The following SRPK2 variants were observed in gnomAD, a reference collection of about 807,000 sequenced individuals.
SRPK2 encodes SFRS protein kinase 2.
SRPK2 carries 21 observed loss-of-function variants against 90.8 expected under a neutral mutation model. The ratio of observed to expected loss-of-function variants is 0.23; its 90% CI spans 0.16 to 0.33. The LOEUF (loss-of-function observed/expected upper bound fraction) is 0.33, where lower values mean the gene tolerates loss of function less well. Ranked by LOEUF, SRPK2 falls within the 10% of genes least tolerant of loss-of-function variation. The probability of loss-of-function intolerance (pLI) is 1.00; values close to 1 mark genes in which losing one functional copy is unlikely to be tolerated. For missense variants in SRPK2, 620 were observed against 869.0 expected (o/e 0.71, Z 3.60); for synonymous variants, 288 against 311.1 (o/e 0.93, Z 0.78).
intron 7 of SRPK2, among the ~76,000 whole-genome samples, chr7:105,158,020 T>C (rs1335257874): frequency 6.6e-6 from 1 of 152,158 alleles, no homozygotes; most frequent in Non-Finnish European, 1.5e-5. Context: ...GAGCTGTGAC[T>C]GACCAGTGCA....
At chr7:105,203,087 CAA>C (rs1795761399) in intron 3 of SRPK2, among the ~76,000 whole-genome samples, 1 of 152,168 alleles carries the variant, frequency 6.6e-6, no homozygotes, top group South Asian at 2.1e-4. Flanking sequence ...CTCCTGGGCT[CAA>C]GTGTTCCTCC....
intron 2 of SRPK2, among the ~76,000 whole-genome samples, chr7:105,370,935 T>C (rs1206154031): frequency 6.6e-6 from 1 of 152,030 alleles, no homozygotes; most frequent in African/African-American, 2.4e-5. Flanking sequence ...ATTTTAAACT[T>C]ACTAGCAAAG....
At chr7:105,124,992 C>T (rs1393773780) in intron 15 of SRPK2, among the ~76,000 whole-genome samples, 1 of 151,818 alleles carries the variant, frequency 6.6e-6, no homozygotes, top group East Asian at 1.9e-4. Context: ...ATTAGCTGGG[C>T]GTGGTGGTGT....
At chr7:105,150,771 C>T (rs1468459429) in intron 7 of SRPK2, among the ~76,000 whole-genome samples, 1 of 152,140 alleles carries the variant, frequency 6.6e-6, no homozygotes, top group African/African-American at 2.4e-5. Flanking sequence ...TGATGTCCAG[C>T]CCATAGAGGT....
intron 11 of SRPK2, among the ~76,000 whole-genome samples, chr7:105,134,541 A>T: frequency 6.6e-6 from 1 of 152,232 alleles, no homozygotes; most frequent in South Asian, 2.1e-4. Flanking sequence ...ATAAACACCT[A>T]CCTAGGAGAG....
chr7:105,301,734 G>GT (rs1029727218), intron 2 of SRPK2: 11 of 1,605,550 alleles, frequency 6.9e-6, no homozygotes, highest in Middle Eastern at 2.2e-4. Flanking sequence ...TAACAACACC[G>GT]TATCATCAGC....
chr7:105,241,401 A>G (rs968261101), intron 2 of SRPK2, among the ~76,000 whole-genome samples: 1 of 152,206 alleles, frequency 6.6e-6, no homozygotes, highest in Non-Finnish European at 1.5e-5. Context: ...AGTTCATATG[A>G]AAATCCTGCC....
At chr7:105,329,335 G>A (rs1026581277) in intron 2 of SRPK2, among the ~76,000 whole-genome samples, 8 of 152,168 alleles carry the variant, frequency 5.3e-5, no homozygotes, top group African/African-American at 1.9e-4. Flanking sequence ...GAAGAGAAGA[G>A]TGGGTATTAA....
In SRPK2 at chr7:105,340,398, CCTT is replaced by C. The variant is rs780805521; in HGVS notation, c.71+48247_71+48249del. Among the ~76,000 whole-genome samples the C allele has an allele frequency of 2.7e-3, 388 of 146,178 alleles. 1 individual carries two copies. Among genetic ancestry groups the C allele is most frequent in the Non-Finnish European group, 4.2e-3 (282 of 66,548 alleles). On this transcript the variant is annotated intron_variant, in intron 2 of 15. Coordinates refer to ENST00000393651, the MANE Select transcript of SRPK2 (RefSeq NM_182692.3). ...AAATATACAACATTTTCTTTTCTCT[CCTT>C]TTTTTTTTTTTTTTTTTTGAGACAG...
At chr7:105,329,754 G>GC (rs1327631713) in intron 2 of SRPK2, among the ~76,000 whole-genome samples, 1 of 152,078 alleles carries the variant, frequency 6.6e-6, no homozygotes, top group Non-Finnish European at 1.5e-5. Flanking sequence ...AGAACACCCG[G>GC]CATGGTGGCT....
chr7:105,379,447 G>A (rs10278237), intron 2 of SRPK2, among the ~76,000 whole-genome samples: 149,729 of 152,142 alleles, frequency 0.98, 73,726 homozygotes, highest in East Asian at 1. Flanking sequence ...TCCTCCAAGC[G>A]TACTGAGGGA....
chr7:105,152,260 C>G (rs1380975939), intron 7 of SRPK2, among the ~76,000 whole-genome samples: 1 of 152,004 alleles, frequency 6.6e-6, no homozygotes, highest in African/African-American at 2.4e-5. Context: ...AGCAATTCTC[C>G]TGCCTCAGCC....
intron 2 of SRPK2, among the ~76,000 whole-genome samples, chr7:105,366,833 G>A (rs1418616563): frequency 4.6e-5 from 7 of 152,072 alleles, no homozygotes; most frequent in African/African-American, 1.4e-4. Context: ...AGTCATGTAT[G>A]CTGAATTCAT....
intron 2 of SRPK2, among the ~76,000 whole-genome samples, chr7:105,292,997 G>A (rs74397605): frequency 6.6e-6 from 1 of 152,160 alleles, no homozygotes; most frequent in South Asian, 2.1e-4. Flanking sequence ...AGTATGCCAG[G>A]CTTGGCCAGG....
At chr7:105,360,024 T>G (rs1461184221) in intron 2 of SRPK2, among the ~76,000 whole-genome samples, 2 of 152,188 alleles carry the variant, frequency 1.3e-5, no homozygotes, top group African/African-American at 4.8e-5. Flanking sequence ...AGTCTCTTTG[T>G]AGGTCTCTAA....
At chr7:105,376,827 C>A (rs549391062) in intron 2 of SRPK2, among the ~76,000 whole-genome samples, 39 of 131,672 alleles carry the variant, frequency 3.0e-4, no homozygotes, top group African/African-American at 1.1e-3. Flanking sequence ...AGTGAGCCAC[C>A]ACGCCCGCCC....
chr7:105,153,192 A>T (rs1292091562), intron 7 of SRPK2, among the ~76,000 whole-genome samples: 2 of 152,138 alleles, frequency 1.3e-5, no homozygotes, highest in African/African-American at 4.8e-5. Context: ...ATGAGGAACA[A>T]GTGCCAGGTT....
intron 2 of SRPK2, among the ~76,000 whole-genome samples, chr7:105,340,402 T>C (rs1345574900): frequency 9.3e-5 from 13 of 139,854 alleles, no homozygotes; most frequent in Non-Finnish European, 6.5e-5. Flanking sequence ...TTCTCTCCTT[T>C]TTTTTTTTTT....
At chr7:105,398,602 A>G (rs757206780) in intron 1 of SRPK2, among the ~76,000 whole-genome samples, 138 of 152,206 alleles carry the variant, frequency 9.1e-4, no homozygotes, top group Non-Finnish European at 3.7e-4. Context: ...CATGTTGGCC[A>G]GGCTGGCCCA....
Sources: gnomAD v4.1 joint callset for allele counts (sites outside exome capture counted in the v4.1 genomes callset) on GRCh38, gnomAD v4.1.1 for gene constraint, MANE v1.5 for transcripts, NCBI Gene and HGNC (gene_info 2026-07-23, HGNC 2026-07-21) for gene names.